Variants in DOCK3 observed in about 807,000 individuals in gnomAD.
DOCK3 encodes dedicator of cytokinesis protein 3.
In DOCK3, 60 loss-of-function variants were observed where a neutral mutation model predicts 265.6. The observed-to-expected ratio is 0.23, with a 90% confidence interval of 0.18 to 0.28. DOCK3 has a LOEUF of 0.28. Among genes scored for constraint, DOCK3 ranks in the 10% least tolerant of loss-of-function variants. The pLI, the probability that DOCK3 is intolerant of heterozygous loss-of-function variation, is 1.00. For synonymous variants in DOCK3, 881 were observed against 938.0 expected (o/e 0.94, Z 1.11); for missense variants, 1,981 against 2,594.3 (o/e 0.76, Z 5.14).
intron 2 of DOCK3, among the ~76,000 whole-genome samples, chr3:50,793,059 G>A (rs937963604): frequency 1.3e-5 from 2 of 152,128 alleles, no homozygotes; most frequent in Non-Finnish European, 2.9e-5. Context: ...TGGTTGGTTG[G>A]AAGTTTATTA....
At chr3:50,702,727 A>G (rs2036133667) in intron 1 of DOCK3, among the ~76,000 whole-genome samples, 1 of 151,566 alleles carries the variant, frequency 6.6e-6, no homozygotes, top group South Asian at 2.1e-4. Flanking sequence ...TATCTGTTCT[A>G]AGACTTTTTT....
intron 2 of DOCK3, among the ~76,000 whole-genome samples, chr3:50,806,765 C>G (rs922192327): frequency 4.6e-5 from 7 of 151,848 alleles, no homozygotes; most frequent in Admixed American, 4.6e-4. Context: ...CTACTGTACC[C>G]AAGAGGAGGG....
rs1329733178 is a variant in DOCK3 at position 51,139,252 on chromosome 3, A to AATG, written c.747-7297_747-7296insATG. Among the ~76,000 whole-genome samples the AATG allele has an allele frequency of 6.5e-4, 94 of 143,830 alleles. 1 individual carries two copies. Among genetic ancestry groups the AATG allele is most frequent in the Middle Eastern group, 3.5e-3 (1 of 284 alleles). The allele number at this position is 143,830 out of a possible 152,430, so 94.4% of individuals were successfully genotyped here. A position where few individuals can be genotyped will look rare whatever the true frequency, so the allele number is the denominator to read the frequency against. On this transcript the variant is annotated intron_variant, in intron 9 of 52. Coordinates refer to ENST00000266037, the MANE Select transcript of DOCK3 (RefSeq NM_004947.5). ...CAGTCACATGGCTCCACTCAACTGC[A>AATG]GTGGGGGGAGGGCTAAGATGTATAC... is the stretch of plus-strand genomic sequence containing the variant.
At chr3:51,285,500 A>G (rs2081355153) in intron 27 of DOCK3, among the ~76,000 whole-genome samples, 1 of 151,812 alleles carries the variant, frequency 6.6e-6, no homozygotes, top group Non-Finnish European at 1.5e-5. Context: ...CAAATCATAG[A>G]GCTGAAGAAT....
intron 1 of DOCK3, among the ~76,000 whole-genome samples, chr3:50,704,994 T>G (rs1029437549): frequency 1.3e-5 from 2 of 151,892 alleles, no homozygotes; most frequent in African/African-American, 4.8e-5. Context: ...AGTTGAGGAC[T>G]TATTCCTCTC....
chr3:51,362,701 G>A (rs761474362), intron 49 of DOCK3, 27 bp downstream of exon 49: 179 of 1,608,222 alleles, frequency 1.1e-4, no homozygotes, highest in Non-Finnish European at 1.5e-4. Flanking sequence ...GCTACTTGCA[G>A]AATGGAGAAG....
At chr3:51,260,974 ACT>A (rs1042921699) in intron 23 of DOCK3, among the ~76,000 whole-genome samples, 3 of 151,920 alleles carry the variant, frequency 2.0e-5, no homozygotes, top group East Asian at 3.9e-4. Flanking sequence ...ACAGACTGAG[ACT>A]CTGTCTCCAA....
Position 51,160,659 on chromosome 3 carries a change from A to T in DOCK3, c.994A>T (p.Thr332Ser). 1 of 1,613,084 alleles carries T rather than the reference A, an allele frequency of 6.2e-7. No homozygotes were observed. ...LSILDVLQSL[T>S]EVKEEKDFVL... is the part of the protein sequence containing the mutation. ...CATCTTGGATGTCCTACAGTCACTC[A>T]CAGAAGTAAAGGAAGAAAAGGATTT... is the stretch of plus-strand genomic sequence containing the variant. The change falls in exon 12 of 53, where the codon ACA (threonine) becomes TCA (serine). Residue 332 changes from threonine (T) to serine (S), a missense_variant. By Grantham distance (58) the Thr-to-Ser change is moderately conservative. This residue lies in a region of DOCK3 where 456 missense variants were observed against 539.0 expected (regional missense o/e 0.85). Transcript: ENST00000266037.
rs1261486965 is a variant in DOCK3 at position 51,019,808 on chromosome 3, G to A, written c.316-44640G>A. On this transcript the variant is annotated intron_variant, in intron 5 of 52. Transcript: ENST00000266037. ...ATGTCCCTGCAGAAAACATGATCTC[G>A]TTTCTTTTGTATGGCTGCATAGTAT... Among the ~76,000 whole-genome samples the A allele has an allele frequency of 5.3e-5, 8 of 151,776 alleles. No homozygotes were observed. In the South Asian group the frequency reaches 6.2e-4, roughly 12 times the overall value.
intron 6 of DOCK3, among the ~76,000 whole-genome samples, chr3:51,070,842 C>A (rs2081832693): frequency 6.6e-6 from 1 of 152,052 alleles, no homozygotes; most frequent in South Asian, 2.1e-4. Flanking sequence ...TCAGTGTGAA[C>A]CCTGTTATAG....
chr3:51,166,979 T>C (rs2086438206), intron 12 of DOCK3, among the ~76,000 whole-genome samples: 1 of 152,216 alleles, frequency 6.6e-6, no homozygotes, highest in South Asian at 2.1e-4. Flanking sequence ...TATAGTTCCA[T>C]TTATTTATTT....
At chr3:50,760,802 A>G (rs1266445023) in intron 1 of DOCK3, among the ~76,000 whole-genome samples, 2 of 146,362 alleles carry the variant, frequency 1.4e-5, no homozygotes, top group African/African-American at 2.5e-5. Flanking sequence ...TTTTCTTTTG[A>G]GATGGAGTCT....
intron 5 of DOCK3, among the ~76,000 whole-genome samples, chr3:51,030,579 G>A (rs998599705): frequency 6.6e-6 from 1 of 152,052 alleles, no homozygotes; most frequent in African/African-American, 2.4e-5. Context: ...TCAAGTTCTG[G>A]ATCCAATTTT....
intron 12 of DOCK3, among the ~76,000 whole-genome samples, chr3:51,171,557 A>G (rs2086682178): frequency 6.6e-6 from 1 of 152,004 alleles, no homozygotes; most frequent in African/African-American, 2.4e-5. Context: ...TCTACTAAAA[A>G]TACAGAAAAA....
chr3:51,380,084 C>A, intron 51 of DOCK3, 41 bp from the exon 52 acceptor site: 1 of 1,583,786 alleles, frequency 6.3e-7, no homozygotes, highest in Admixed American at 1.7e-5. Context: ...GAAGTCTGTG[C>A]AGGGCCCCCA....
At chr3:51,239,270 C>A (rs1197424663) in intron 21 of DOCK3, among the ~76,000 whole-genome samples, 1 of 151,424 alleles carries the variant, frequency 6.6e-6, no homozygotes, top group Non-Finnish European at 1.5e-5. Flanking sequence ...AGTAGAGTGG[C>A]GCAATCTTGG....
intron 22 of DOCK3, among the ~76,000 whole-genome samples, chr3:51,248,363 T>C (rs1009692319): frequency 7.9e-5 from 12 of 152,222 alleles, no homozygotes; most frequent in African/African-American, 2.4e-4. Context: ...TGACTGGTTT[T>C]CGTATTTTTT....
intron 4 of DOCK3, among the ~76,000 whole-genome samples, chr3:50,927,432 C>T (rs1429090313): frequency 6.6e-6 from 1 of 152,102 alleles, no homozygotes; most frequent in Non-Finnish European, 1.5e-5. Context: ...AGAATGTTCT[C>T]AATACAAAGA....
intron 11 of DOCK3, among the ~76,000 whole-genome samples, chr3:51,160,353 G>C (rs761654521): frequency 6.6e-6 from 1 of 152,230 alleles, no homozygotes; most frequent in Admixed American, 6.5e-5. Context: ...ATTGAATGTA[G>C]TACAGGGAAG....
Sources: gnomAD v4.1 joint callset for allele counts (sites outside exome capture counted in the v4.1 genomes callset) on GRCh38, gnomAD v4.1.1 for gene constraint, gnomAD v4.1.1 regional missense constraint, MANE v1.5 for transcripts, NCBI Gene and HGNC (gene_info 2026-07-23, HGNC 2026-07-21) for gene names.